CNOT4: variants seen among roughly 807,000 people sequenced by gnomAD.
CNOT4 encodes the protein CCR4-associated factor 4.
A neutral mutation model predicts 73.8 loss-of-function variants in CNOT4; 8 were observed. The observed-to-expected ratio is 0.11, with a 90% CI of 0.06 to 0.20. CNOT4 has a LOEUF of 0.20. CNOT4 is among the 10% of genes least tolerant of loss of function. The pLI, the probability that CNOT4 is intolerant of heterozygous loss-of-function variation, is 1.00. For synonymous variants in CNOT4, 293 were observed against 321.1 expected (o/e 0.91, Z 0.94); for missense variants, 564 against 883.4 (o/e 0.64, Z 4.58).
chr7:135,447,606 C>T (rs1799911257), intron 1 of CNOT4, among the ~76,000 whole-genome samples: 1 of 152,206 alleles, frequency 6.6e-6, no homozygotes, highest in South Asian at 2.1e-4. Flanking sequence ...TACAAAGCAT[C>T]TCATATAATT....
chr7:135,410,731 A>G (rs1797547532), intron 6 of CNOT4, 83 bp from the exon 7 acceptor site: 2 of 764,522 alleles, frequency 2.6e-6, no homozygotes, highest in Non-Finnish European at 3.5e-6. Context: ...GAATTATTAA[A>G]TATATTTTAA....
At position 135,500,354 on chromosome 7, in the gene CNOT4, C is replaced by T. The variant is rs554133426; in HGVS notation, c.-93+9535G>A. On this transcript the variant is annotated intron_variant, in intron 1 of 11. Transcript: ENST00000541284. The stretch of plus-strand genomic sequence containing the variant: ...AAACAAGAAACCTACTTTTTTCCCC[C>T]AGCTTTAAAATAAAATGTAAAATTT... Among the ~76,000 whole-genome samples, 4 of 152,092 alleles carry T rather than the reference C, an allele frequency of 2.6e-5. 1 individual carries two copies. Among genetic ancestry groups the T allele is most frequent in the African/African-American group, 9.6e-5 (4 of 41,516 alleles).
At chr7:135,469,627 A>G (rs115649805) in intron 1 of CNOT4, among the ~76,000 whole-genome samples, 71 of 152,214 alleles carry the variant, frequency 4.7e-4, no homozygotes, top group African/African-American at 1.3e-3. Flanking sequence ...GCCTTGACTT[A>G]CCTCTCACCT....
intron 10 of CNOT4, among the ~76,000 whole-genome samples, chr7:135,377,586 T>C (rs985641794): frequency 1.3e-5 from 2 of 152,228 alleles, no homozygotes; most frequent in Non-Finnish European, 2.9e-5. Context: ...AAATGGTGTC[T>C]CAATCTAAAA....
chr7:135,441,862 G>A (rs1278052436), intron 1 of CNOT4, among the ~76,000 whole-genome samples: 1 of 152,138 alleles, frequency 6.6e-6, no homozygotes, highest in African/African-American at 2.4e-5. Flanking sequence ...GAACAAAAAA[G>A]GGACAAAGGA....
At chr7:135,432,768 A>G (rs1798921152) in intron 2 of CNOT4, among the ~76,000 whole-genome samples, 1 of 152,222 alleles carries the variant, frequency 6.6e-6, no homozygotes, top group Admixed American at 6.5e-5. Context: ...TCAGGTCTGA[A>G]AATGTCTTTT....
At chr7:135,375,543 G>A (rs759913855) in intron 10 of CNOT4, among the ~76,000 whole-genome samples, 4 of 152,162 alleles carry the variant, frequency 2.6e-5, no homozygotes, top group South Asian at 2.1e-4. Flanking sequence ...TGTGTTTCAC[G>A]GAAGATTTAC....
chr7:135,447,172 TG>T lies in CNOT4; in HGVS notation c.-92-8750del, dbSNP rs1338456092. On this transcript the variant is annotated intron_variant, in intron 1 of 11. Coordinates refer to ENST00000541284, the MANE Select transcript of CNOT4 (RefSeq NM_001190850.2). ...AAAAATAAGAAACAGCACTTTAAGT[TG>T]TCCATTGTTTCTGTATTAGACACAT... Among the ~76,000 whole-genome samples the T allele has an allele frequency of 1.5e-4, 16 of 106,850 alleles. 4 individuals are homozygous for T. Among genetic ancestry groups the T allele is most frequent in the East Asian group, 2.9e-4 (1 of 3,436 alleles). 70.1% of individuals were successfully genotyped at this position (106,850 alleles called of 152,430 possible).
intron 10 of CNOT4, chr7:135,386,680 T>C (rs1462604359): frequency 6.6e-6 from 1 of 152,196 alleles, no homozygotes; most frequent in Non-Finnish European, 1.5e-5. Context: ...TGTTTAGCCA[T>C]TCTATGCAAA....
At chr7:135,487,194 T>C (rs1802777330) in intron 1 of CNOT4, among the ~76,000 whole-genome samples, 1 of 152,058 alleles carries the variant, frequency 6.6e-6, no homozygotes. Context: ...CCAATCTTTT[T>C]TTTTTTTAAT....
At chr7:135,497,362 T>C (rs918396218) in intron 1 of CNOT4, among the ~76,000 whole-genome samples, 1 of 152,050 alleles carries the variant, frequency 6.6e-6, no homozygotes, top group Non-Finnish European at 1.5e-5. Context: ...TGAGCCAAGA[T>C]TGCGCCACTG....
At chr7:135,420,266 G>A (rs1006269668) in intron 3 of CNOT4, among the ~76,000 whole-genome samples, 1 of 151,986 alleles carries the variant, frequency 6.6e-6, no homozygotes, top group African/African-American at 2.4e-5. Context: ...TACTGGAACT[G>A]CACGTCAGAA....
At chr7:135,483,716 CG>C (rs1563076602) in intron 1 of CNOT4, among the ~76,000 whole-genome samples, 5 of 151,736 alleles carry the variant, frequency 3.3e-5, no homozygotes, top group African/African-American at 9.7e-5. Flanking sequence ...CCCAACCACT[CG>C]GGGGGCTGAG....
chr7:135,393,839 AAC>A (rs2129483354), intron 10 of CNOT4, 77 bp downstream of exon 10: 1 of 912,998 alleles, frequency 1.1e-6, no homozygotes, highest in East Asian at 2.4e-5. Flanking sequence ...TCTGTTATTC[AAC>A]AGTTACTTCC....
intron 1 of CNOT4, among the ~76,000 whole-genome samples, chr7:135,487,586 A>G (rs1802813592): frequency 6.6e-6 from 1 of 152,116 alleles, no homozygotes; most frequent in Non-Finnish European, 1.5e-5. Context: ...TCGAGTCGGT[A>G]AGAACAATAA....
intron 1 of CNOT4, among the ~76,000 whole-genome samples, chr7:135,450,708 C>G (rs1244333660): frequency 6.6e-6 from 1 of 152,150 alleles, no homozygotes; most frequent in Non-Finnish European, 1.5e-5. Context: ...TGTGCGTAAA[C>G]TGAATCACAC....
At chr7:135,413,405 A>T in intron 6 of CNOT4, 83 bp downstream of exon 6, 1 of 1,480,820 alleles carries the variant, frequency 6.8e-7, no homozygotes, top group Non-Finnish European at 9.2e-7. Flanking sequence ...TCAAATCCTT[A>T]GTTTTTGCTT....
chr7:135,431,720 G>A (rs1392713194), intron 2 of CNOT4, among the ~76,000 whole-genome samples: 1 of 149,158 alleles, frequency 6.7e-6, no homozygotes, highest in Non-Finnish European at 1.5e-5. Context: ...TCCAGCCTGG[G>A]TGACATGAGT....
rs112149931 is a variant in CNOT4, at chr7:135,498,571, C to T, written c.-93+11318G>A. ...TATGTTTGTTTGTTTGTTTTTGAGA[C>T]GGACTCTTGCTCTGTCACCCAGGCT... On this transcript the variant is annotated intron_variant, in intron 1 of 11. Transcript: ENST00000541284. Among the ~76,000 whole-genome samples the T allele has an allele frequency of 7.2e-5, 11 of 152,228 alleles. 1 individual carries two copies. The highest frequency in any genetic ancestry group is 2.0e-4 in the Admixed American group (3 of 15,286).
Sources: gnomAD v4.1 joint callset for allele counts (sites outside exome capture counted in the v4.1 genomes callset) on GRCh38, gnomAD v4.1.1 for gene constraint, MANE v1.5 for transcripts, NCBI Gene and HGNC (gene_info 2026-07-23, HGNC 2026-07-21) for gene names.